The following CACNA1C variants were observed in gnomAD, a reference collection of about 807,000 sequenced individuals.
CACNA1C encodes voltage-dependent L-type calcium channel subunit alpha-1C.
CACNA1C carries 30 observed loss-of-function variants against 229.0 expected under a neutral mutation model. The ratio of observed to expected loss-of-function variants is 0.13; its 90% CI spans 0.10 to 0.18. CACNA1C has a LOEUF of 0.18. Ranked by LOEUF, CACNA1C falls within the 10% of genes least tolerant of loss-of-function variation. The pLI, the probability that CACNA1C is intolerant of heterozygous loss-of-function variation, is 1.00. For synonymous variants in CACNA1C, 1,114 were observed against 1,132.5 expected, an observed-to-expected ratio of 0.98 and a Z score of 0.33; for missense variants, 1,658 against 2,845.0, an observed-to-expected ratio of 0.58 and a Z score of 9.49.
At chr12:2,635,013 G>A (rs1465374380) in intron 30 of CACNA1C, among the ~76,000 whole-genome samples, 1 of 152,172 alleles carries the variant, frequency 6.6e-6, no homozygotes, top group East Asian at 1.9e-4. Flanking sequence ...GAAGAGGAAC[G>A]AGAAGGGGAG....
At chr12:2,628,916 C>T (rs1397291030) in intron 29 of CACNA1C, among the ~76,000 whole-genome samples, 2 of 152,078 alleles carry the variant, frequency 1.3e-5, no homozygotes, top group Non-Finnish European at 2.9e-5. Context: ...GGTCATCATC[C>T]TCTGTCTGGA....
chr12:2,175,119 A>G (rs1217536653), intron 3 of CACNA1C, among the ~76,000 whole-genome samples: 1 of 152,208 alleles, frequency 6.6e-6, no homozygotes, highest in Non-Finnish European at 1.5e-5. Context: ...AAAAATATAT[A>G]TCACCAAATG....
intron 3 of CACNA1C, among the ~76,000 whole-genome samples, chr12:2,278,112 A>G (rs947436472): frequency 6.6e-6 from 1 of 152,208 alleles, no homozygotes; most frequent in Non-Finnish European, 1.5e-5. Context: ...GAATAAACCA[A>G]TGGGTGGAGT....
intron 7 of CACNA1C, among the ~76,000 whole-genome samples, chr12:2,494,977 A>G (rs1034010539): frequency 1.9e-4 from 29 of 152,334 alleles, no homozygotes; most frequent in Admixed American, 1.2e-3. Context: ...ATCTCAGTCT[A>G]GGAAGCCAAC....
intron 3 of CACNA1C, among the ~76,000 whole-genome samples, chr12:2,192,028 GCACT>G (rs560848338): frequency 6.8e-6 from 1 of 148,078 alleles, no homozygotes; most frequent in Non-Finnish European, 1.5e-5. Context: ...ACATATACAC[GCACT>G]CACACATACA....
intron 3 of CACNA1C, among the ~76,000 whole-genome samples, chr12:2,301,671 C>G (rs1221015610): frequency 1.3e-5 from 2 of 152,170 alleles, no homozygotes; most frequent in African/African-American, 4.8e-5. Context: ...TGTGAATGTT[C>G]TGGGCGACCT....
intron 3 of CACNA1C, among the ~76,000 whole-genome samples, chr12:2,328,957 T>C (rs189920571): frequency 5.9e-5 from 9 of 152,304 alleles, no homozygotes; most frequent in African/African-American, 2.2e-4. Context: ...TCAGGTGAAA[T>C]TGAGTACTGC....
At chr12:2,254,708 G>C (rs575197103) in intron 3 of CACNA1C, among the ~76,000 whole-genome samples, 48 of 152,294 alleles carry the variant, frequency 3.2e-4, no homozygotes, top group Admixed American at 9.8e-4. Flanking sequence ...ATTTGCTATG[G>C]AGTCAGGGCT....
chr12:2,301,114 A>G (rs958606155), intron 3 of CACNA1C, among the ~76,000 whole-genome samples: 2 of 152,142 alleles, frequency 1.3e-5, no homozygotes, highest in African/African-American at 4.8e-5. Context: ...CTGCCCAGGA[A>G]GCCACAGGCA....
intron 2 of CACNA1C, among the ~76,000 whole-genome samples, chr12:2,115,919 G>A (rs879106210): frequency 6.6e-6 from 1 of 152,206 alleles, no homozygotes; most frequent in Admixed American, 6.5e-5. Context: ...GGTAACAGTC[G>A]TTAGTTACAT....
rs1041199018 is a variant in CACNA1C, at chr12:2,284,832, G to C, written c.478-164144G>C. Among the ~76,000 whole-genome samples the C allele has an allele frequency of 6.6e-5, 10 of 152,156 alleles. 1 individual carries two copies. The highest frequency in any genetic ancestry group is 1.3e-4 in the Non-Finnish European group (9 of 68,024). ...GGGAAGGGATGCCCGCTGCTCCAAG[G>C]GGAAGCAAGGATAATTAACTTCTAC... On this transcript the variant is annotated intron_variant, in intron 3 of 46. Coordinates refer to ENST00000399655, the MANE Select transcript of CACNA1C (RefSeq NM_000719.7).
intron 8 of CACNA1C, among the ~76,000 whole-genome samples, chr12:2,509,677 TA>T (rs1029638092): frequency 1.3e-5 from 2 of 152,164 alleles, no homozygotes; most frequent in Non-Finnish European, 2.9e-5. Context: ...ACTTCAGCAT[TA>T]TGCTTGGGGC....
At chr12:2,387,644 A>C (rs1429021044) in intron 3 of CACNA1C, among the ~76,000 whole-genome samples, 2 of 152,230 alleles carry the variant, frequency 1.3e-5, no homozygotes, top group African/African-American at 4.8e-5. Context: ...GTGGGGTTTC[A>C]TGAAGGCTCC....
intron 3 of CACNA1C, among the ~76,000 whole-genome samples, chr12:2,314,813 A>C (rs1342598362): frequency 6.6e-6 from 1 of 152,108 alleles, no homozygotes; most frequent in East Asian, 1.9e-4. Flanking sequence ...ATATGCATGT[A>C]CTTTAATTAC....
intron 3 of CACNA1C, among the ~76,000 whole-genome samples, chr12:2,439,156 C>G (rs990632464): frequency 2.6e-5 from 4 of 152,180 alleles, no homozygotes; most frequent in Non-Finnish European, 5.9e-5. Flanking sequence ...CTTATGAGGA[C>G]CTGACAGCCC....
intron 9 of CACNA1C, among the ~76,000 whole-genome samples, chr12:2,528,341 G>A (rs551484157): frequency 5.1e-4 from 77 of 152,310 alleles, no homozygotes; most frequent in African/African-American, 1.8e-3. Flanking sequence ...TTTAGCTCCA[G>A]GAGCCTGGGC....
chr12:2,378,023 G>A (rs970422781), intron 3 of CACNA1C, among the ~76,000 whole-genome samples: 1 of 152,138 alleles, frequency 6.6e-6, no homozygotes, highest in Non-Finnish European at 1.5e-5. Flanking sequence ...GAGGGTTGGG[G>A]TGAGTGTGAA....
chr12:2,236,638 A>C (rs769341189), intron 3 of CACNA1C, among the ~76,000 whole-genome samples: 6 of 152,114 alleles, frequency 3.9e-5, no homozygotes, highest in Non-Finnish European at 8.8e-5. Context: ...TTACCATTAT[A>C]TGCAGTTCTC....
At chr12:2,453,667 C>CCA (rs567310725) in intron 4 of CACNA1C, among the ~76,000 whole-genome samples, 1 of 152,250 alleles carries the variant, frequency 6.6e-6, no homozygotes, top group East Asian at 1.9e-4. Flanking sequence ...TCCTTTCTCA[C>CCA]CACCCCGCTG....
Sources: allele counts gnomAD v4.1 joint callset (sites outside exome capture counted in the v4.1 genomes callset), GRCh38; gene constraint gnomAD v4.1.1; transcripts MANE v1.5; gene names NCBI Gene and HGNC (gene_info 2026-07-23, HGNC 2026-07-21).